The following DCDC1 variants were observed in gnomAD, a reference collection of about 807,000 sequenced individuals.
DCDC1 encodes doublecortin domain containing 1.
A neutral mutation model predicts 178.3 loss-of-function variants in DCDC1; 200 were observed. That is an observed-to-expected ratio of 1.12 (90% CI 1.00 to 1.26). The LOEUF is 1.26. DCDC1 is among the 50% of genes most tolerant of loss of function. The pLI, the probability that DCDC1 is intolerant of heterozygous loss-of-function variation, is 0.00. For missense variants in DCDC1, 1,983 were observed against 1,749.2 expected, an observed-to-expected ratio of 1.13 and a Z score of -2.38; for synonymous variants, 690 against 604.8, an observed-to-expected ratio of 1.14 and a Z score of -2.07.
At chr11:30,970,552 A>G (rs1030961735) in intron 20 of DCDC1, among the ~76,000 whole-genome samples, 18 of 152,170 alleles carry the variant, frequency 1.2e-4, no homozygotes, top group African/African-American at 4.1e-4. Context: ...AGTTGCCACC[A>G]AGGCCAAAGC....
chr11:31,102,011 A>C (rs1292018920), intron 15 of DCDC1, among the ~76,000 whole-genome samples, 166 bp downstream of exon 15: 5 of 151,476 alleles, frequency 3.3e-5, no homozygotes, highest in Non-Finnish European at 7.4e-5. Context: ...CAGGAGGTAG[A>C]GGCTGCAGTG....
At chr11:31,322,946 C>T (rs1293984104) in intron 3 of DCDC1, among the ~76,000 whole-genome samples, 7 of 152,050 alleles carry the variant, frequency 4.6e-5, no homozygotes, top group East Asian at 1.9e-4. Context: ...ACTGACAATC[C>T]GAATTACTTT....
intron 17 of DCDC1, among the ~76,000 whole-genome samples, chr11:31,080,486 A>T (rs1477773157): frequency 6.6e-6 from 1 of 152,218 alleles, no homozygotes; most frequent in East Asian, 1.9e-4. Context: ...ACACAATCTC[A>T]GTAACTTAAT....
chr11:31,008,380 A>T (rs946408386), intron 20 of DCDC1, among the ~76,000 whole-genome samples: 1 of 152,080 alleles, frequency 6.6e-6, no homozygotes, highest in African/African-American at 2.4e-5. Flanking sequence ...TTTAGTCCTA[A>T]AATATGGAGG....
At chr11:30,943,635 T>G (rs533680727) in intron 21 of DCDC1, 22 of 454,266 alleles carry the variant, frequency 4.8e-5, no homozygotes, top group African/African-American at 4.0e-4. Flanking sequence ...CCCCATAGAG[T>G]GAGAAAATAA....
At chr11:31,103,922 A>G (rs1958674685) in intron 13 of DCDC1, among the ~76,000 whole-genome samples, 153 bp from the exon 14 acceptor site, 1 of 152,232 alleles carries the variant, frequency 6.6e-6, no homozygotes, top group African/African-American at 2.4e-5. Flanking sequence ...CTGGTATTCT[A>G]TATTAACACC....
At chr11:31,332,533 T>G (rs1591786754) in intron 2 of DCDC1, among the ~76,000 whole-genome samples, 1 of 152,354 alleles carries the variant, frequency 6.6e-6, no homozygotes, top group East Asian at 1.9e-4. Flanking sequence ...TAAATTTCCC[T>G]CTACCCACTG....
At chr11:31,219,814 T>C (rs1466493924) in intron 9 of DCDC1, among the ~76,000 whole-genome samples, 6 of 152,144 alleles carry the variant, frequency 3.9e-5, no homozygotes, top group Non-Finnish European at 7.4e-5. Flanking sequence ...TTAGGTATTA[T>C]CTCATTTTTA....
At chr11:31,054,730 T>G (rs541193762) in intron 20 of DCDC1, among the ~76,000 whole-genome samples, 2 of 152,068 alleles carry the variant, frequency 1.3e-5, no homozygotes, top group African/African-American at 4.8e-5. Context: ...AAACATGAAG[T>G]GGGGAAAGGA....
rs116245137 is a variant in DCDC1, at chr11:31,027,702, C to T, written c.2591+36767G>A. 8.6e-3 allele frequency among the ~76,000 whole-genome samples: 1,314 copies of T among 151,920 alleles called. 27 individuals carry two copies. Among genetic ancestry groups the T allele is most frequent in the African/African-American group, 0.03 (1,237 of 41,534 alleles). Reference sequence around the variant, plus strand: ...CCATAATACATGGTAAAAACAATTTCAAAAACCTCTTTTGACTCAGTTGGC... The same window carrying T: ...CCATAATACATGGTAAAAACAATTTTAAAAACCTCTTTTGACTCAGTTGGC... On this transcript the variant is annotated intron_variant, in intron 20 of 38. Transcript: ENST00000684477.
intron 9 of DCDC1, among the ~76,000 whole-genome samples, chr11:31,157,719 C>T (rs1190262362): frequency 1.3e-5 from 2 of 151,960 alleles, no homozygotes; most frequent in Non-Finnish European, 2.9e-5. Flanking sequence ...TAATGTACAG[C>T]GTTTCAGTTT....
At chr11:31,229,837 A>C (rs1338832455) in intron 9 of DCDC1, among the ~76,000 whole-genome samples, 3 of 152,188 alleles carry the variant, frequency 2.0e-5, no homozygotes, top group African/African-American at 7.2e-5. Context: ...TTATGATAAA[A>C]ACACTCCAAC....
chr11:31,007,745 C>A (rs1371552845), intron 20 of DCDC1, among the ~76,000 whole-genome samples: 1 of 150,392 alleles, frequency 6.6e-6, no homozygotes, highest in Non-Finnish European at 1.5e-5. Flanking sequence ...CTCACTGCAA[C>A]CTCCGCCTCC....
chr11:30,908,906 C>CCTATTTT, intron 29 of DCDC1, 40 bp downstream of exon 29: 1 of 1,520,898 alleles, frequency 6.6e-7, no homozygotes, highest in Non-Finnish European at 8.8e-7. Flanking sequence ...TCTCTTTTAC[C>CCTATTTT]CTATTTTTCT....
At position 31,202,719 on chromosome 11, in the gene DCDC1, G is replaced by T. The variant is rs144310417; in HGVS notation, c.1221+38731C>A. Among the ~76,000 whole-genome samples the T allele has an allele frequency of 5.8e-3, 879 of 152,280 alleles. 3 individuals carry two copies. Among genetic ancestry groups the T allele is most frequent in the Admixed American group, 8.6e-3 (132 of 15,290 alleles). ...ATAACCAACATAAGAGACAAGAAGG[G>T]ACTGAAGTTCTTGGACTACTGGTTC... is the stretch of plus-strand genomic sequence containing the variant. On this transcript the variant is annotated intron_variant, in intron 9 of 38. Coordinates refer to ENST00000684477, the MANE Select transcript of DCDC1 (RefSeq NM_001387274.1).
chr11:31,026,758 C>T (rs1023010110), intron 20 of DCDC1, among the ~76,000 whole-genome samples: 3 of 151,780 alleles, frequency 2.0e-5, no homozygotes, highest in African/African-American at 4.8e-5. Context: ...GGAAGACTAT[C>T]TTCATATATA....
At chr11:30,910,157 C>A (rs139992610) in intron 28 of DCDC1, among the ~76,000 whole-genome samples, 45 of 152,206 alleles carry the variant, frequency 3.0e-4, no homozygotes, top group Middle Eastern at 6.8e-3. Context: ...TTCTCACAAA[C>A]GAGTTGTTTC....
rs186602477 is a variant in DCDC1, at chr11:31,100,974, G to A, written c.1983+1203C>T. Among the ~76,000 whole-genome samples, 33 of 152,142 alleles carry A rather than the reference G, an allele frequency of 2.2e-4. No individual in the cohort carries two copies. The East Asian group carries it at 5.4e-3, about 25-fold the overall frequency. ...AATCTTCTATATTTTCTCAAAACCC[G>A]GCAGAAGTAGAAATATTTGATTCTA... On this transcript the variant is annotated intron_variant, in intron 15 of 38. Coordinates refer to ENST00000684477, the MANE Select transcript of DCDC1 (RefSeq NM_001387274.1).
intron 36 of DCDC1, among the ~76,000 whole-genome samples, chr11:30,889,784 C>T (rs1342323118): frequency 6.6e-6 from 1 of 152,176 alleles, no homozygotes; most frequent in Non-Finnish European, 1.5e-5. Context: ...TTTCACCATG[C>T]CATTTCTTTA....
Sources: gnomAD v4.1 joint callset for allele counts (sites outside exome capture counted in the v4.1 genomes callset) on GRCh38, gnomAD v4.1.1 for gene constraint, MANE v1.5 for transcripts, NCBI Gene and HGNC (gene_info 2026-07-23, HGNC 2026-07-21) for gene names.